The following SDK1 variants were observed in gnomAD, a reference collection of about 807,000 sequenced individuals.
The protein encoded by SDK1 is protein sidekick-1.
Under a neutral mutation model 245.5 loss-of-function variants are expected in SDK1, and 157 were observed. The observed-to-expected ratio is 0.64, with a 90% confidence interval of 0.56 to 0.73. The LOEUF is 0.73. Among genes scored for constraint, SDK1 ranks in the 30% least tolerant of loss-of-function variants. SDK1 has a pLI of 0.00. For synonymous variants in SDK1, 1,647 were observed against 1,278.5 expected, an observed-to-expected ratio of 1.29 and a Z score of -6.15; for missense variants, 3,583 against 3,002.3, an observed-to-expected ratio of 1.19 and a Z score of -4.52.
chr7:3,454,216 C>G (rs1255121263), intron 1 of SDK1, among the ~76,000 whole-genome samples: 2 of 152,134 alleles, frequency 1.3e-5, no homozygotes, highest in African/African-American at 4.8e-5. Flanking sequence ...AAATAATTTA[C>G]ATCAAGGAAA....
intron 44 of SDK1, among the ~76,000 whole-genome samples, chr7:4,250,588 G>A (rs896330531): frequency 5.3e-5 from 8 of 151,878 alleles, no homozygotes; most frequent in African/African-American, 7.3e-5. Context: ...CAAGTGATCC[G>A]CCCACCTCGG....
intron 16 of SDK1, among the ~76,000 whole-genome samples, chr7:4,015,184 G>A (rs893889735): frequency 6.6e-6 from 1 of 152,140 alleles, no homozygotes; most frequent in Admixed American, 6.5e-5. Context: ...TTAAAGAGGT[G>A]GAAACCAAGG....
intron 22 of SDK1, among the ~76,000 whole-genome samples, chr7:4,087,896 A>G (rs1216563411): frequency 1.3e-5 from 2 of 152,226 alleles, no homozygotes; most frequent in African/African-American, 4.8e-5. Flanking sequence ...ACGTATGGCT[A>G]TTTTAAATGA....
At chr7:3,669,754 C>T (rs756439915) in intron 4 of SDK1, among the ~76,000 whole-genome samples, 2 of 152,208 alleles carry the variant, frequency 1.3e-5, no homozygotes, top group Non-Finnish European at 2.9e-5. Flanking sequence ...CTCCAGCCCA[C>T]ATCACTCCTT....
At chr7:4,241,943 C>T in intron 43 of SDK1, 30 bp downstream of exon 43, 2 of 1,607,742 alleles carry the variant, frequency 1.2e-6, no homozygotes, top group Non-Finnish European at 1.7e-6. Flanking sequence ...CTGCGCCCAC[C>T]TGGGGATCTG....
intron 1 of SDK1, among the ~76,000 whole-genome samples, chr7:3,599,160 C>G (rs761661789): frequency 1.2e-4 from 17 of 147,594 alleles, no homozygotes. Flanking sequence ...TTTACTGTAG[C>G]CATTCCGATA....
chr7:3,752,432 T>G (rs900302888), intron 4 of SDK1, among the ~76,000 whole-genome samples: 3 of 152,210 alleles, frequency 2.0e-5, no homozygotes, highest in Non-Finnish European at 4.4e-5. Context: ...TTAATAGAAT[T>G]AAATGCAAAC....
chr7:4,165,940 C>T (rs185536987), intron 32 of SDK1, among the ~76,000 whole-genome samples: 16 of 152,260 alleles, frequency 1.1e-4, no homozygotes, highest in African/African-American at 3.1e-4. Flanking sequence ...GTGTGCACCA[C>T]GATGCTTGGC....
intron 4 of SDK1, among the ~76,000 whole-genome samples, chr7:3,804,990 A>G (rs1271953016): frequency 6.6e-6 from 1 of 152,232 alleles, no homozygotes; most frequent in Non-Finnish European, 1.5e-5. Flanking sequence ...AACAGAGTGC[A>G]TACTTGAAAG....
chr7:3,495,417 C>A lies in SDK1; in HGVS notation c.299-123663C>A, dbSNP rs79349997. Among the ~76,000 whole-genome samples the A allele has an allele frequency of 5.4e-3, 826 of 151,984 alleles. 6 individuals are homozygous for A. The highest frequency in any genetic ancestry group is 0.019 in the African/African-American group (791 of 41,426). ...GGATTACAGCCTGTGTGACGCCACA[C>A]TGGAGTAATTTTTGTATTTTTAGTA... is the stretch of plus-strand genomic sequence containing the variant. On this transcript the variant is annotated intron_variant, in intron 1 of 44. Transcript: ENST00000404826.
intron 26 of SDK1, among the ~76,000 whole-genome samples, chr7:4,129,118 T>C (rs1353619715): frequency 7.9e-6 from 1 of 126,520 alleles, no homozygotes. Context: ...GAGAGCAGCT[T>C]GGGGTGGGGT....
chr7:4,153,921 T>A (rs553503149), intron 30 of SDK1, among the ~76,000 whole-genome samples: 1 of 151,964 alleles, frequency 6.6e-6, no homozygotes, highest in Non-Finnish European at 1.5e-5. Flanking sequence ...CCTCAAGTGA[T>A]CCTCTCACCT....
At chr7:3,775,808 C>T (rs1338333992) in intron 4 of SDK1, among the ~76,000 whole-genome samples, 5 of 152,010 alleles carry the variant, frequency 3.3e-5, no homozygotes, top group Non-Finnish European at 1.5e-5. Context: ...GATCTCCTGA[C>T]CTCATGATCC....
chr7:4,223,818 C>A (rs1785266924), intron 40 of SDK1, among the ~76,000 whole-genome samples: 2 of 152,160 alleles, frequency 1.3e-5, no homozygotes, highest in East Asian at 3.9e-4. Context: ...TCATAGTAGG[C>A]CCTGTGACAC....
chr7:3,325,905 C>T (rs189033307), intron 1 of SDK1, among the ~76,000 whole-genome samples: 1 of 143,234 alleles, frequency 7.0e-6, no homozygotes, highest in Admixed American at 6.8e-5. Flanking sequence ...AATCAAACAT[C>T]CTCCCCTTTG....
intron 31 of SDK1, among the ~76,000 whole-genome samples, chr7:4,160,269 C>T (rs669028): frequency 0.12 from 18,281 of 152,210 alleles, 1,212 homozygotes; most frequent in Non-Finnish European, 0.14. Context: ...AACAAAACCC[C>T]ACACAAGCTG....
intron 43 of SDK1, among the ~76,000 whole-genome samples, chr7:4,244,839 C>T (rs1032772891): frequency 8.5e-5 from 13 of 152,188 alleles, no homozygotes; most frequent in Non-Finnish European, 1.6e-4. Flanking sequence ...TCTTCTTGGC[C>T]CTCCTCTGGA....
intron 4 of SDK1, among the ~76,000 whole-genome samples, chr7:3,756,374 A>G (rs916687799): frequency 2.2e-4 from 33 of 151,308 alleles, no homozygotes; most frequent in African/African-American, 7.3e-4. Context: ...CTCCTTTCAC[A>G]TGGCATAGCA....
intron 11 of SDK1, among the ~76,000 whole-genome samples, chr7:3,970,179 C>A (rs1782378621): frequency 6.6e-6 from 1 of 152,158 alleles, no homozygotes; most frequent in African/African-American, 2.4e-5. Context: ...CAGATTTTTA[C>A]AAATCTATCT....
Sources: allele counts gnomAD v4.1 joint callset (sites outside exome capture counted in the v4.1 genomes callset), GRCh38; gene constraint gnomAD v4.1.1; transcripts MANE v1.5; gene names NCBI Gene and HGNC (gene_info 2026-07-23, HGNC 2026-07-21).